The following MCF2L2 variants were observed in gnomAD, a reference collection of about 807,000 sequenced individuals.
MCF2L2 encodes the protein MCF.2 cell line derived transforming sequence-like 2, also known as probable guanine nucleotide exchange factor MCF2L2.
Under a neutral mutation model 150.2 loss-of-function variants are expected in MCF2L2, and 102 were observed. The ratio of observed to expected loss-of-function variants is 0.68; its 90% CI spans 0.58 to 0.80. MCF2L2 has a LOEUF of 0.80. Ranked by LOEUF, MCF2L2 falls within the 30% of genes least tolerant of loss-of-function variation. MCF2L2 has a pLI of 0.00. For missense variants in MCF2L2, 1,256 were observed against 1,372.8 expected, an observed-to-expected ratio of 0.91 and a Z score of 1.34; for synonymous variants, 465 against 491.3, an observed-to-expected ratio of 0.95 and a Z score of 0.71.
chr3:183,383,225 T>TTTAA (rs1171812176), intron 2 of MCF2L2, among the ~76,000 whole-genome samples: 5 of 145,928 alleles, frequency 3.4e-5, no homozygotes, highest in African/African-American at 5.1e-5. Flanking sequence ...TATTTATTTA[T>TTTAA]TTTATTTATT....
At chr3:183,228,259 G>T (rs376417604) in intron 18 of MCF2L2, 38 bp downstream of exon 18, 71 of 1,512,118 alleles carry the variant, frequency 4.7e-5, no homozygotes, top group Non-Finnish European at 6.4e-5. Flanking sequence ...TGTAAGGGCT[G>T]ACTTTAACAT....
In MCF2L2 at chr3:183,311,671, A is replaced by C. The variant is rs531387709; in HGVS notation, c.855T>G (p.Leu285=). The C allele has an allele frequency of 6.4e-5, 104 of 1,613,802 alleles. No individual in the cohort carries two copies. The South Asian group carries it at 6.9e-4, about 11-fold the overall frequency. ...ACCTTTCCATGGTAGTTACATTCTC[A>C]AGTTGGTTGAGATTGAGTTTGCTGT... ...CPNSKLNLNQ[L]ENVTTMERLL... is the part of the protein sequence containing the mutation. Residue 285 remains leucine (L), a synonymous_variant, in exon 8 of 30, where the codon CTT becomes CTG. Transcript: ENST00000328913.
At chr3:183,268,599 GA>G (rs1726389617) in intron 15 of MCF2L2, among the ~76,000 whole-genome samples, 1 of 152,296 alleles carries the variant, frequency 6.6e-6, no homozygotes, top group Non-Finnish European at 1.5e-5. Context: ...TTTTAGGGGA[GA>G]AGATAACAGA....
intron 9 of MCF2L2, 111 bp from the exon 10 acceptor site, chr3:183,309,946 G>A (rs1314882855): frequency 8.6e-6 from 11 of 1,283,450 alleles, no homozygotes; most frequent in Non-Finnish European, 2.1e-6. Flanking sequence ...TTCAAGACTT[G>A]TATATATCTA....
intron 14 of MCF2L2, among the ~76,000 whole-genome samples, chr3:183,288,286 A>C (rs1727907072): frequency 6.6e-6 from 1 of 152,114 alleles, no homozygotes; most frequent in Non-Finnish European, 1.5e-5. Flanking sequence ...TCTATTTTGA[A>C]ATAATTATAT....
At chr3:183,228,565 C>T (rs1723434233) in intron 17 of MCF2L2, among the ~76,000 whole-genome samples, 199 bp from the exon 18 acceptor site, 1 of 152,056 alleles carries the variant, frequency 6.6e-6, no homozygotes, top group Admixed American at 6.6e-5. Flanking sequence ...TGAAATCACT[C>T]ACAACTTTAA....
At chr3:183,223,283 T>C (rs1301076673) in intron 20 of MCF2L2, 63 bp downstream of exon 20, 3 of 1,221,576 alleles carry the variant, frequency 2.5e-6, no homozygotes, top group East Asian at 4.6e-5. Context: ...TGTAACGACA[T>C]GGGCACCACA....
intron 3 of MCF2L2, chr3:183,374,799 A>G (rs1713099342): frequency 6.6e-6 from 1 of 152,256 alleles, no homozygotes; most frequent in African/African-American, 2.4e-5. Flanking sequence ...AAGCTCTTCA[A>G]CACTATCCTT....
In MCF2L2 at chr3:183,205,883, A is replaced by G. The variant is rs745323749; in HGVS notation, c.2877T>C (p.Asn959=). The change falls in exon 25 of 30, where the codon AAT becomes AAC. Residue 959 remains asparagine (N), a synonymous_variant. Coordinates refer to ENST00000328913, the MANE Select transcript of MCF2L2 (RefSeq NM_015078.4). Reference sequence around the variant, plus strand: ...TCAGCAGGGGTAACCTACCTTTGATATTATTTTGTTGTTCCATCAATAATT... The same window carrying G: ...TCAGCAGGGGTAACCTACCTTTGATGTTATTTTGTTGTTCCATCAATAATT... The part of the protein sequence containing the change: ...ISKLLMEQQN[N]IKDQGNPQFE... The G allele has an allele frequency of 1.2e-6, 2 of 1,613,290 alleles. No homozygotes were observed. Among genetic ancestry groups the G allele is most frequent in the South Asian group, 2.2e-5 (2 of 91,062 alleles).
In MCF2L2 at chr3:183,289,212, C is replaced by G; in HGVS notation, c.1684G>C (p.Ala562Pro). 2 of 1,609,810 alleles carry G rather than the reference C, an allele frequency of 1.2e-6. No homozygotes were observed. Among genetic ancestry groups the G allele is most frequent in the East Asian group, 2.2e-5 (1 of 44,846 alleles). ...TSQPSTSVPL[A>P]RPLRTSEEPY... ...TCCTCAGACGTTCTCAGAGGACGAGCTAGAGGGACTAAGAGAACCTGCCAT... is the reference window on the plus strand; with the variant it reads ...TCCTCAGACGTTCTCAGAGGACGAGGTAGAGGGACTAAGAGAACCTGCCAT... The change falls in exon 14 of 30, where the codon GCT becomes CCT. Residue 562 changes from alanine (A) to proline (P), a missense_variant. Transcript: ENST00000328913.
rs1174495754 is a variant in MCF2L2 at position 183,179,444 on chromosome 3, G to A, written c.3281C>T (p.Ala1094Val). 3.8e-6 allele frequency: 6 copies of A among 1,585,720 alleles called. No homozygotes were observed. The African/African-American group carries it at 4.0e-5, about 11-fold the overall frequency. The stretch of plus-strand genomic sequence containing the variant: ...CGCCTGGAAACCAGCCGTCGCCCCC[G>A]CAGGAGCCAGCCGGCCCGTGGACGC... Reference protein sequence around the residue: ...AGASTGRLAPAGATAGFQARA... With the variant: ...AGASTGRLAPVGATAGFQARA... The change falls in exon 30 of 30, where the codon GCG becomes GTG. Residue 1094 changes from alanine to valine, a missense_variant. Ala to Val is a moderately conservative substitution (Grantham distance 64). Transcript: ENST00000328913. This position sits in a 1 kb window ranked among gnomAD's most constrained non-coding sequence, Gnocchi z 4.2.
rs1271602430 is a variant in MCF2L2 at position 183,179,978 on chromosome 3, G to C, written c.3105+93C>G. On this transcript the variant is annotated intron_variant, in intron 28 of 29. Coordinates refer to ENST00000328913, the MANE Select transcript of MCF2L2 (RefSeq NM_015078.4). This position sits in a 1 kb window ranked among gnomAD's most constrained non-coding sequence, Gnocchi z 4.2. ...CTTATGGGTGAGAATCCTGAGGAGG[G>C]GGAGAGGGATGGAGGCTAGGGACAG... The C allele has an allele frequency of 3.9e-6, 4 of 1,033,750 alleles. No homozygotes were observed. The highest frequency in any genetic ancestry group is 6.0e-6 in the Non-Finnish European group (4 of 667,496). The allele number at this position is 1,033,750 out of a possible 1,614,324, so 64.0% of individuals were successfully genotyped here.
rs114456283 is a variant in MCF2L2 at position 183,306,099 on chromosome 3, C to T, written c.1113+3617G>A. ...GACCATATTCAGAAAGGCTACGAAA[C>T]GTGACTAGGGTCATACAGCTGGTAC... On this transcript the variant is annotated intron_variant, in intron 10 of 29. Transcript: ENST00000328913. 7.2e-3 allele frequency among the ~76,000 whole-genome samples: 1,102 copies of T among 152,304 alleles called. 12 individuals are homozygous for T. Among genetic ancestry groups the T allele is most frequent in the African/African-American group, 0.024 (983 of 41,548 alleles).
chr3:183,270,180 C>T lies in MCF2L2; in HGVS notation c.1862+6692G>A. 1 of 1,614,166 alleles carries T rather than the reference C, an allele frequency of 6.2e-7. No homozygotes were observed. The highest frequency in any genetic ancestry group is 8.5e-7 in the Non-Finnish European group (1 of 1,180,036). On this transcript the variant is annotated intron_variant, in intron 15 of 29. Transcript: ENST00000328913. This position sits in a 1 kb window ranked among gnomAD's most constrained non-coding sequence, Gnocchi z 4.5. ...TCAGCTGAATGCCAACATCAAAACT[C>T]TGTTTGCCTTAGGAACTCCTAATCC...
chr3:183,272,109 G>GTGAT (rs1338153133), intron 15 of MCF2L2: 4 of 983,564 alleles, frequency 4.1e-6, no homozygotes, highest in Non-Finnish European at 4.9e-6. Context: ...GAGTAAAAAA[G>GTGAT]TGATAGAAAA....
At position 183,278,344 on chromosome 3, in the gene MCF2L2, G is replaced by C. The variant is rs542350083; in HGVS notation, c.1777-1387C>G. ...TTCTTGTGAGTTGTGGTCAGGCTTTGAAAGCCACTATGTATGTGTGTGTGT... is the reference window on the plus strand; with the variant it reads ...TTCTTGTGAGTTGTGGTCAGGCTTTCAAAGCCACTATGTATGTGTGTGTGT... On this transcript the variant is annotated intron_variant, in intron 14 of 29. Transcript: ENST00000328913. Among the ~76,000 whole-genome samples the C allele has an allele frequency of 4.0e-5, 6 of 151,530 alleles. No individual in the cohort carries two copies. In the East Asian group the frequency reaches 9.7e-4, roughly 24 times the overall value.
intron 13 of MCF2L2, among the ~76,000 whole-genome samples, chr3:183,294,626 TA>T (rs1728370954): frequency 7.5e-6 from 1 of 133,962 alleles, no homozygotes; most frequent in African/African-American, 3.0e-5. Context: ...TATATATATA[TA>T]TATATATTTT....
At chr3:183,417,422 G>A (rs2314384) in intron 1 of MCF2L2, among the ~76,000 whole-genome samples, 7,086 of 152,120 alleles carry the variant, frequency 0.047, 231 homozygotes, top group Non-Finnish European at 0.072. Flanking sequence ...TTGTAAGCTG[G>A]GGACCATTTG....
At chr3:183,408,640 C>T (rs538040866) in intron 1 of MCF2L2, among the ~76,000 whole-genome samples, 14 of 152,202 alleles carry the variant, frequency 9.2e-5, no homozygotes, top group Non-Finnish European at 1.8e-4. Context: ...TCTTTCCCCA[C>T]AGCAATTTAA....
Sources: gnomAD v4.1 joint callset for allele counts (sites outside exome capture counted in the v4.1 genomes callset) on GRCh38, gnomAD v4.1.1 for gene constraint, Gnocchi (gnomAD v3.1) non-coding constraint, MANE v1.5 for transcripts, NCBI Gene and HGNC (gene_info 2026-07-23, HGNC 2026-07-21) for gene names.